ZRANB3: variants seen among roughly 807,000 people sequenced by gnomAD.
ZRANB3 encodes zinc finger RANBP2-type containing 3, also known as DNA annealing helicase and endonuclease ZRANB3.
ZRANB3 carries 125 observed loss-of-function variants against 133.8 expected under a neutral mutation model. The ratio of observed to expected loss-of-function variants is 0.93; its 90% confidence interval spans 0.81 to 1.08. The LOEUF is 1.08. Ranked by LOEUF, ZRANB3 falls within the 50% of genes least tolerant of loss-of-function variation. The probability of loss-of-function intolerance (pLI) is 0.00; values close to 1 mark genes in which losing one functional copy is unlikely to be tolerated. For synonymous variants in ZRANB3, 387 were observed against 432.7 expected (o/e 0.89, Z 1.31); for missense variants, 1,229 against 1,275.5 (o/e 0.96, Z 0.56).
chr2:135,504,629 CAT>C (rs1255308403), intron 1 of ZRANB3, 133 bp from the exon 2 acceptor site: 1 of 820,698 alleles, frequency 1.2e-6, no homozygotes, highest in East Asian at 2.9e-5. Context: ...TAAACTAAAT[CAT>C]ATTCTCACAG....
chr2:135,214,523 G>A (rs10928532), intron 17 of ZRANB3, among the ~76,000 whole-genome samples: 36,612 of 152,010 alleles, frequency 0.24, 6,897 homozygotes, highest in African/African-American at 0.51. Context: ...AGAAGAAATA[G>A]TAGGACATGT....
intron 1 of ZRANB3, among the ~76,000 whole-genome samples, chr2:135,518,238 T>C (rs940937869): frequency 1.3e-5 from 2 of 152,080 alleles, no homozygotes; most frequent in African/African-American, 4.8e-5. Context: ...CTTGGCTCCC[T>C]AGCTTCAGCC....
intron 3 of ZRANB3, among the ~76,000 whole-genome samples, chr2:135,358,697 G>C (rs1685544693): frequency 6.6e-6 from 1 of 152,122 alleles, no homozygotes; most frequent in Admixed American, 6.5e-5. Flanking sequence ...ACTCATGCAA[G>C]GATTGGTCTT....
At chr2:135,312,067 T>C (rs1683003461) in intron 8 of ZRANB3, among the ~76,000 whole-genome samples, 1 of 151,862 alleles carries the variant, frequency 6.6e-6, no homozygotes, top group Non-Finnish European at 1.5e-5. Context: ...CTGATGTTTA[T>C]CCAACTATAC....
At chr2:135,429,169 TGTG>T (rs1558993779) in intron 2 of ZRANB3, among the ~76,000 whole-genome samples, 1 of 151,888 alleles carries the variant, frequency 6.6e-6, no homozygotes, top group Admixed American at 6.6e-5. Flanking sequence ...ATAAAGAAAA[TGTG>T]GTACATATAC....
At chr2:135,441,849 A>G (rs1235346983) in intron 2 of ZRANB3, among the ~76,000 whole-genome samples, 1 of 152,198 alleles carries the variant, frequency 6.6e-6, no homozygotes, top group Non-Finnish European at 1.5e-5. Flanking sequence ...ATTTGTTTTA[A>G]CACAAAAGAA....
At chr2:135,372,905 AC>A (rs1470769974) in intron 3 of ZRANB3, among the ~76,000 whole-genome samples, 1 of 151,810 alleles carries the variant, frequency 6.6e-6, no homozygotes, top group Non-Finnish European at 1.5e-5. Context: ...AACACAGTGG[AC>A]CCTGTCTCTA....
At chr2:135,301,487 T>A (rs1042127238) in intron 8 of ZRANB3, among the ~76,000 whole-genome samples, 2 of 152,020 alleles carry the variant, frequency 1.3e-5, no homozygotes, top group Non-Finnish European at 2.9e-5. Flanking sequence ...CACCTAGCTA[T>A]GTTTAATTTT....
intron 2 of ZRANB3, among the ~76,000 whole-genome samples, chr2:135,437,990 C>T (rs1689618565): frequency 6.6e-6 from 1 of 152,096 alleles, no homozygotes; most frequent in Non-Finnish European, 1.5e-5. Context: ...CTGATGTCTG[C>T]TTGAGCTGGG....
Position 135,372,111 on chromosome 2 carries a change from TGA to T in ZRANB3, c.181-18485_181-18484del, listed in dbSNP as rs550309920. ...TGAACCTGGGAAGCAGAGACTGCAG[TGA>T]GCCAAGATGGTGCCACTGTGCCAGC... On this transcript the variant is annotated intron_variant, in intron 3 of 20. Transcript: ENST00000264159. 1.7e-3 allele frequency among the ~76,000 whole-genome samples: 246 copies of T among 148,194 alleles called. 1 individual carries two copies. The highest frequency in any genetic ancestry group is 5.8e-3 in the African/African-American group (231 of 40,026).
intron 2 of ZRANB3, among the ~76,000 whole-genome samples, chr2:135,442,616 A>G (rs1217609409): frequency 3.3e-5 from 5 of 152,216 alleles, no homozygotes; most frequent in Non-Finnish European, 5.9e-5. Flanking sequence ...AATTAGTTCA[A>G]CCATTGTGGA....
At chr2:135,488,802 C>A (rs1403112991) in intron 2 of ZRANB3, among the ~76,000 whole-genome samples, 1 of 150,162 alleles carries the variant, frequency 6.7e-6, no homozygotes, top group East Asian at 1.9e-4. Context: ...TATAATAAAA[C>A]AAACTATGCT....
At chr2:135,497,579 C>A (rs1229062965) in intron 2 of ZRANB3, among the ~76,000 whole-genome samples, 1 of 152,180 alleles carries the variant, frequency 6.6e-6, no homozygotes, top group African/African-American at 2.4e-5. Flanking sequence ...TTAAACAGTA[C>A]ACATAAAGAA....
chr2:135,307,897 CTG>C (rs1277908563), intron 8 of ZRANB3, among the ~76,000 whole-genome samples: 1 of 152,180 alleles, frequency 6.6e-6, no homozygotes, highest in African/African-American at 2.4e-5. Flanking sequence ...GCTTGTAATA[CTG>C]TGTGTCAAGG....
chr2:135,288,873 CGT>C (rs57200280), intron 8 of ZRANB3, among the ~76,000 whole-genome samples: 16,844 of 140,680 alleles, frequency 0.12, 1,067 homozygotes, highest in South Asian at 0.28. Context: ...CTTCATTTAT[CGT>C]GTGTGTGTGT....
At chr2:135,209,935 T>C (rs1694029021) in intron 17 of ZRANB3, among the ~76,000 whole-genome samples, 1 of 152,166 alleles carries the variant, frequency 6.6e-6, no homozygotes, top group Non-Finnish European at 1.5e-5. Flanking sequence ...AATAAACTAT[T>C]TTATTAATTT....
At chr2:135,266,261 C>CT (rs1238277276) in intron 11 of ZRANB3, among the ~76,000 whole-genome samples, 3 of 152,176 alleles carry the variant, frequency 2.0e-5, no homozygotes, top group Non-Finnish European at 4.4e-5. Flanking sequence ...ACAAAACAGA[C>CT]TCTTTGTAGC....
rs1693676194 is a variant in ZRANB3, at chr2:135,202,766, C to T, written c.3141+66G>A. 2.0e-6 allele frequency: 3 copies of T among 1,525,744 alleles called. No individual in the cohort carries two copies. The East Asian group carries it at 7.3e-5, about 37-fold the overall frequency. 94.5% of individuals were successfully genotyped at this position (1,525,744 alleles called of 1,614,324 possible). A position where few individuals can be genotyped will look rare whatever the true frequency, so the allele number is the denominator to read the frequency against. On this transcript the variant is annotated intron_variant, in intron 20 of 20. Coordinates refer to ENST00000264159, the MANE Select transcript of ZRANB3 (RefSeq NM_032143.4). ...AATTCATCCACATAATCTTCCACAA[C>T]TGTGTGCACAATTTTCCATTTGACT...
intron 2 of ZRANB3, among the ~76,000 whole-genome samples, chr2:135,501,135 T>C (rs1480912608): frequency 1.3e-5 from 2 of 151,792 alleles, no homozygotes; most frequent in East Asian, 3.9e-4. Flanking sequence ...AAAGAGAAAA[T>C]CTTCAAGTCA....
Sources: gnomAD v4.1 joint callset for allele counts (sites outside exome capture counted in the v4.1 genomes callset) on GRCh38, gnomAD v4.1.1 for gene constraint, MANE v1.5 for transcripts, NCBI Gene and HGNC (gene_info 2026-07-23, HGNC 2026-07-21) for gene names.